SPATA13: variants seen among roughly 807,000 people sequenced by gnomAD.
The protein encoded by SPATA13 is spermatogenesis associated 13.
SPATA13 carries 50 observed loss-of-function variants against 104.0 expected under a neutral mutation model. The ratio of observed to expected loss-of-function variants is 0.48; its 90% CI spans 0.38 to 0.61. SPATA13 has a LOEUF of 0.61. SPATA13 is among the 20% of genes least tolerant of loss of function. The probability of loss-of-function intolerance (pLI) is 0.00; values close to 1 mark genes in which losing one functional copy is unlikely to be tolerated. For synonymous variants in SPATA13, 606 were observed against 667.5 expected (o/e 0.91, Z 1.42); for missense variants, 1,524 against 1,690.6 (o/e 0.90, Z 1.73).
intron 3 of SPATA13, among the ~76,000 whole-genome samples, chr13:24,022,523 CCTT>C (rs1481224039): frequency 3.3e-5 from 5 of 152,102 alleles, no homozygotes; most frequent in Admixed American, 6.5e-5. Flanking sequence ...AAGACAAAAA[CCTT>C]CTGATCTCTT....
At chr13:24,272,933 T>C (rs995110724) in intron 4 of SPATA13, 3 of 152,576 alleles carry the variant, frequency 2.0e-5, no homozygotes, top group African/African-American at 7.2e-5. Context: ...GTCCAGCCAG[T>C]TGGGCAGCCG....
intron 2 of SPATA13, among the ~76,000 whole-genome samples, chr13:24,003,464 G>T (rs972737209): frequency 1.3e-5 from 2 of 152,336 alleles, no homozygotes; most frequent in East Asian, 3.9e-4. Flanking sequence ...AATTAAGGCT[G>T]CTGTGCCACA....
intron 4 of SPATA13, among the ~76,000 whole-genome samples, chr13:24,269,380 GTATGTATGTGTGTA>G (rs1874449367): frequency 4.0e-5 from 6 of 151,796 alleles, no homozygotes; most frequent in Non-Finnish European, 7.4e-5. Context: ...ATGTGTGTAT[GTATGTATGTGTGTA>G]TGTATGTATG....
chr13:24,037,527 C>G (rs888649215), intron 3 of SPATA13, among the ~76,000 whole-genome samples: 5 of 143,676 alleles, frequency 3.5e-5, no homozygotes, highest in African/African-American at 1.3e-4. Flanking sequence ...CCTGCCTCAG[C>G]CTCCTGAGTA....
chr13:24,096,177 C>A (rs1170025325), intron 3 of SPATA13, among the ~76,000 whole-genome samples: 2 of 152,060 alleles, frequency 1.3e-5, no homozygotes, highest in Non-Finnish European at 2.9e-5. Flanking sequence ...TGGAGCTAAA[C>A]CAAAGAACAA....
rs371145532 is a variant in SPATA13, at chr13:24,286,714, A to G, written c.2482-51A>G. On this transcript the variant is annotated intron_variant, in intron 6 of 12. Coordinates refer to ENST00000382108, the MANE Select transcript of SPATA13 (RefSeq NM_001166271.3). This position sits in a 1 kb window ranked among gnomAD's most constrained non-coding sequence, Gnocchi z 4.9. ...CTGGGAGGTCTCCTGCCTCTGCTCCATGCTGCCCTCCCCTGCCCCAAGTCA... is the reference window on the plus strand; with the variant it reads ...CTGGGAGGTCTCCTGCCTCTGCTCCGTGCTGCCCTCCCCTGCCCCAAGTCA... The G allele has an allele frequency of 2.6e-6, 4 of 1,561,158 alleles. No homozygotes were observed. The highest frequency in any genetic ancestry group is 3.5e-6 in the Non-Finnish European group (4 of 1,143,106).
At chr13:24,132,460 T>C (rs571517228) in intron 3 of SPATA13, among the ~76,000 whole-genome samples, 1 of 152,330 alleles carries the variant, frequency 6.6e-6, no homozygotes, top group East Asian at 1.9e-4. Context: ...TGTCCTTATT[T>C]ATGAGTGTGT....
chr13:24,035,344 A>G (rs7985484), intron 3 of SPATA13, among the ~76,000 whole-genome samples: 57,867 of 151,980 alleles, frequency 0.38, 11,229 homozygotes, highest in East Asian at 0.62. Context: ...TAATAGAGAC[A>G]GGTTTTGCCA....
chr13:24,184,197 A>G (rs988609487), intron 1 of SPATA13, among the ~76,000 whole-genome samples: 4 of 152,154 alleles, frequency 2.6e-5, no homozygotes, highest in Admixed American at 2.0e-4. Context: ...GCTGAGAATG[A>G]CTTATTTTGG....
intron 1 of SPATA13, among the ~76,000 whole-genome samples, chr13:24,164,861 C>T (rs886666976): frequency 6.6e-6 from 1 of 152,142 alleles, no homozygotes; most frequent in African/African-American, 2.4e-5. Context: ...GACCAGGGGA[C>T]CAGGGGACAA....
intron 2 of SPATA13, among the ~76,000 whole-genome samples, chr13:24,236,535 G>T (rs1872578442): frequency 1.3e-5 from 2 of 150,474 alleles, no homozygotes; most frequent in Non-Finnish European, 2.9e-5. Flanking sequence ...GGCGGAGGTT[G>T]CAGTGAGCCA....
intron 1 of SPATA13, among the ~76,000 whole-genome samples, chr13:24,190,716 A>G (rs1306430189): frequency 6.6e-6 from 1 of 152,088 alleles, no homozygotes; most frequent in Non-Finnish European, 1.5e-5. Flanking sequence ...GTGGAGGAGC[A>G]AAGAGAGTGG....
Position 24,293,702 on chromosome 13 carries a change from C to A in SPATA13, c.3081-1037C>A, listed in dbSNP as rs184456878. Among the ~76,000 whole-genome samples, 8 of 152,244 alleles carry A rather than the reference C, an allele frequency of 5.3e-5. No homozygotes were observed. In the East Asian group the frequency reaches 1.2e-3, roughly 22 times the overall value. ...GGAGGCCTCTTTGGGGGCTCTGTGC[C>A]CATTATTTTGGCAGTCCCTGGTGTC... On this transcript the variant is annotated intron_variant, in intron 9 of 12. Transcript: ENST00000382108.
At chr13:24,281,096 C>T (rs1014590513) in intron 4 of SPATA13, among the ~76,000 whole-genome samples, 21 of 152,170 alleles carry the variant, frequency 1.4e-4, no homozygotes, top group African/African-American at 4.8e-4. Flanking sequence ...TCTCCTGAGG[C>T]GCCAGGCCCT....
intron 3 of SPATA13, among the ~76,000 whole-genome samples, chr13:24,046,860 T>C (rs928059765): frequency 6.6e-5 from 10 of 152,082 alleles, no homozygotes; most frequent in African/African-American, 2.4e-4. Flanking sequence ...TCTTGACCAC[T>C]GCAGAGATAA....
chr13:24,248,962 C>T (rs145262793), intron 2 of SPATA13, among the ~76,000 whole-genome samples: 40 of 152,088 alleles, frequency 2.6e-4, no homozygotes, highest in East Asian at 2.3e-3. Flanking sequence ...TTTTGCCTCC[C>T]AGGATCAAGC....
intron 3 of SPATA13, among the ~76,000 whole-genome samples, chr13:24,066,048 A>G (rs1173768928): frequency 2.6e-5 from 4 of 152,254 alleles, no homozygotes; most frequent in Non-Finnish European, 4.4e-5. Flanking sequence ...CCAAGTACAT[A>G]GTATGTGTGA....
At chr13:24,142,275 A>C (rs1190248694) in intron 3 of SPATA13, among the ~76,000 whole-genome samples, 1 of 152,006 alleles carries the variant, frequency 6.6e-6, no homozygotes, top group Non-Finnish European at 1.5e-5. Flanking sequence ...ACTAGTCTAC[A>C]GGCCTTATTC....
intron 1 of SPATA13, among the ~76,000 whole-genome samples, chr13:24,185,458 A>G (rs1271080248): frequency 6.6e-6 from 1 of 152,190 alleles, no homozygotes; most frequent in Non-Finnish European, 1.5e-5. Flanking sequence ...GAGGGCTGAA[A>G]GAACCAAGAT....
Sources: gnomAD v4.1 joint callset for allele counts (sites outside exome capture counted in the v4.1 genomes callset) on GRCh38, gnomAD v4.1.1 for gene constraint, Gnocchi (gnomAD v3.1) non-coding constraint, MANE v1.5 for transcripts, NCBI Gene and HGNC (gene_info 2026-07-23, HGNC 2026-07-21) for gene names.